BBS9: variants seen among roughly 807,000 people sequenced by gnomAD.
BBS9 encodes Bardet-Biedl syndrome 9, also known as protein PTHB1.
A neutral mutation model predicts 117.7 loss-of-function variants in BBS9; 89 were observed. That is an observed-to-expected ratio of 0.76 (90% confidence interval 0.64 to 0.90). The LOEUF is 0.90. Ranked by LOEUF, BBS9 falls within the 40% of genes least tolerant of loss-of-function variation. The pLI, the probability that BBS9 is intolerant of heterozygous loss-of-function variation, is 0.00. For missense variants in BBS9, 982 were observed against 1,042.2 expected, an observed-to-expected ratio of 0.94 and a Z score of 0.80; for synonymous variants, 379 against 370.9, an observed-to-expected ratio of 1.02 and a Z score of -0.25.
intron 18 of BBS9, 66 bp from the exon 19 acceptor site, chr7:33,387,926 G>A (rs1584609756): frequency 2.6e-6 from 4 of 1,516,498 alleles, no homozygotes; most frequent in East Asian, 2.3e-5. Context: ...ATCATTGTGT[G>A]TATTTTTTCT....
intron 5 of BBS9, among the ~76,000 whole-genome samples, chr7:33,237,798 T>C (rs1793776681): frequency 6.6e-6 from 1 of 152,218 alleles, no homozygotes; most frequent in Admixed American, 6.6e-5. Context: ...CAGCTCTAGG[T>C]ATGCTTCTCA....
intron 21 of BBS9, among the ~76,000 whole-genome samples, chr7:33,598,123 C>T (rs1374996563): frequency 6.6e-6 from 1 of 151,930 alleles, no homozygotes; most frequent in Non-Finnish European, 1.5e-5. Flanking sequence ...TGCCTTCTCT[C>T]CTTCAGGGGC....
chr7:33,333,429 CA>C (rs1814574079), intron 9 of BBS9, among the ~76,000 whole-genome samples: 1 of 152,092 alleles, frequency 6.6e-6, no homozygotes, highest in African/African-American at 2.4e-5. Flanking sequence ...TGTGTATACA[CA>C]TTTTCTTTAT....
chr7:33,383,958 T>C (rs1182249529), intron 18 of BBS9, 120 bp downstream of exon 18: 13 of 1,071,240 alleles, frequency 1.2e-5, no homozygotes, highest in Non-Finnish European at 1.6e-5. Context: ...GTTTTTCTTA[T>C]GTGGATGGTG....
chr7:33,233,733 T>G (rs1012709339), intron 5 of BBS9, among the ~76,000 whole-genome samples: 5 of 152,166 alleles, frequency 3.3e-5, no homozygotes, highest in African/African-American at 1.2e-4. Context: ...AAGATGTCTT[T>G]TGATAAAGGC....
chr7:33,513,609 C>G (rs923569154), intron 20 of BBS9, among the ~76,000 whole-genome samples: 1 of 151,986 alleles, frequency 6.6e-6, no homozygotes, highest in African/African-American at 2.4e-5. Flanking sequence ...TTCTAAGATA[C>G]CTCAAATATT....
At chr7:33,572,016 C>A (rs980513594) in intron 21 of BBS9, among the ~76,000 whole-genome samples, 1 of 151,908 alleles carries the variant, frequency 6.6e-6, no homozygotes, top group Non-Finnish European at 1.5e-5. Flanking sequence ...TATTGTGCTT[C>A]TGAACATTAG....
intron 9 of BBS9, among the ~76,000 whole-genome samples, chr7:33,319,104 A>G (rs1220969194): frequency 6.6e-6 from 1 of 151,738 alleles, no homozygotes; most frequent in East Asian, 1.9e-4. Context: ...CAGAGGTTGC[A>G]GTGAGCCAAG....
rs143877550 is a variant in BBS9, at chr7:33,467,750, A to C, written c.2116-37713A>C. Among the ~76,000 whole-genome samples the C allele has an allele frequency of 7.0e-3, 1,060 of 152,292 alleles. 10 individuals are homozygous for C. The highest frequency in any genetic ancestry group is 0.024 in the African/African-American group (1,004 of 41,564). On this transcript the variant is annotated intron_variant, in intron 19 of 22. Coordinates refer to ENST00000242067, the MANE Select transcript of BBS9 (RefSeq NM_198428.3). The stretch of plus-strand genomic sequence containing the variant: ...GATATTTCTTGTACTGAAAGATAAT[A>C]AATGATATGGATCTTTTAGTGTGTA...
Position 33,446,565 on chromosome 7 carries a change from T to G in BBS9, c.2115+58421T>G, listed in dbSNP as rs571840601. Reference sequence around the variant, plus strand: ...ACCTATCTAAAAGAGAATGAGGCCTTCATTTAAGGTTTATTTAAAGTTGGA... The same window carrying G: ...ACCTATCTAAAAGAGAATGAGGCCTGCATTTAAGGTTTATTTAAAGTTGGA... On this transcript the variant is annotated intron_variant, in intron 19 of 22. Transcript: ENST00000242067. Among the ~76,000 whole-genome samples the G allele has an allele frequency of 5.9e-5, 9 of 152,268 alleles. No individual in the cohort carries two copies. The South Asian group carries it at 8.3e-4, about 14-fold the overall frequency.
intron 20 of BBS9, among the ~76,000 whole-genome samples, chr7:33,519,958 A>C (rs1219014698): frequency 6.6e-6 from 1 of 152,114 alleles, no homozygotes; most frequent in Non-Finnish European, 1.5e-5. Flanking sequence ...AGTCGAGAGA[A>C]TTAATTGAAA....
chr7:33,561,604 C>T (rs140386319), intron 21 of BBS9, among the ~76,000 whole-genome samples: 88 of 152,186 alleles, frequency 5.8e-4, no homozygotes, highest in African/African-American at 2.0e-3. Context: ...TGCCGTGCAT[C>T]CACCACCTAA....
chr7:33,430,694 G>A (rs1834308542), intron 19 of BBS9, among the ~76,000 whole-genome samples: 1 of 152,174 alleles, frequency 6.6e-6, no homozygotes, highest in African/African-American at 2.4e-5. Flanking sequence ...GATAAAATCT[G>A]GGACAATGTT....
chr7:33,590,459 G>GTTTTTTTGTTTTTGTT (rs1554551689), intron 21 of BBS9, among the ~76,000 whole-genome samples: 2,368 of 101,352 alleles, frequency 0.023, 86 homozygotes, highest in African/African-American at 0.05. Context: ...TTGTTTTTTT[G>GTTTTTTTGTTTTTGTT]TTTTTTTTTT....
intron 9 of BBS9, among the ~76,000 whole-genome samples, chr7:33,335,834 G>A (rs1815239373): frequency 6.6e-6 from 1 of 152,158 alleles, no homozygotes; most frequent in Non-Finnish European, 1.5e-5. Flanking sequence ...GAATAGGAGA[G>A]CGTGTGAAGG....
chr7:33,606,991 A>C (rs1864610216), downstream of BBS9, among the ~76,000 whole-genome samples: 1 of 152,068 alleles, frequency 6.6e-6, no homozygotes, highest in Non-Finnish European at 1.5e-5. Flanking sequence ...AGGTTCTCCT[A>C]ATCACCTTTC....
downstream of BBS9, among the ~76,000 whole-genome samples, chr7:33,606,502 A>G (rs908096963): frequency 2.0e-5 from 3 of 152,118 alleles, no homozygotes; most frequent in African/African-American, 7.2e-5. Context: ...GTTGCTTTGG[A>G]CTGGAAAATA....
At chr7:33,498,961 T>G (rs113065090) in intron 19 of BBS9, among the ~76,000 whole-genome samples, 243 of 152,336 alleles carry the variant, frequency 1.6e-3, no homozygotes, top group African/African-American at 5.4e-3. Context: ...GCAGCTGTAC[T>G]GTATTACATT....
At chr7:33,168,687 T>C (rs1043917239) in intron 4 of BBS9, among the ~76,000 whole-genome samples, 10 of 152,276 alleles carry the variant, frequency 6.6e-5, no homozygotes, top group Non-Finnish European at 1.2e-4. Flanking sequence ...ATTCATCTTG[T>C]TTTTTCTATT....
Sources: gnomAD v4.1 joint callset for allele counts (sites outside exome capture counted in the v4.1 genomes callset) on GRCh38, gnomAD v4.1.1 for gene constraint, MANE v1.5 for transcripts, NCBI Gene and HGNC (gene_info 2026-07-23, HGNC 2026-07-21) for gene names.